Variants in AGMO observed in about 807,000 individuals in gnomAD.
AGMO encodes the protein alkylglycerol monooxygenase.
AGMO carries 75 observed loss-of-function variants against 60.2 expected under a neutral mutation model. The observed-to-expected ratio is 1.25, with a 90% confidence interval of 1.03 to 1.51. AGMO has a LOEUF of 1.51. Ranked by LOEUF, AGMO falls within the 40% of genes most tolerant of loss-of-function variation. The pLI, the probability that AGMO is intolerant of heterozygous loss-of-function variation, is 0.00. For synonymous variants in AGMO, 261 were observed against 177.1 expected (o/e 1.47, Z -3.76); for missense variants, 763 against 525.5 (o/e 1.45, Z -4.42).
the AGMO span, among the ~76,000 whole-genome samples, chr7:15,167,961 T>C: frequency 1.1e-4 from 17 of 152,328 alleles, no homozygotes; most frequent in East Asian, 1.7e-3. Flanking sequence ...AGAATAGAAA[T>C]GCTAGACCTT....
chr7:15,218,731 T>C (rs114559668), intron 12 of AGMO, among the ~76,000 whole-genome samples: 3,195 of 152,240 alleles, frequency 0.021, 114 homozygotes, highest in African/African-American at 0.073. Context: ...ATATTCCTGC[T>C]GGCCTGAGAG....
intron 12 of AGMO, among the ~76,000 whole-genome samples, chr7:15,315,698 A>T (rs1292530650): frequency 6.6e-6 from 1 of 152,136 alleles, no homozygotes; most frequent in Non-Finnish European, 1.5e-5. Flanking sequence ...ATTAATAGAC[A>T]TCTACATACA....
intron 12 of AGMO, among the ~76,000 whole-genome samples, chr7:15,233,872 C>A (rs978305527): frequency 3.3e-5 from 5 of 152,014 alleles, no homozygotes; most frequent in Admixed American, 1.3e-4. Flanking sequence ...CGTGGTGAAA[C>A]CCTGTCTCTA....
At chr7:15,501,142 G>T (rs545588149) in intron 3 of AGMO, among the ~76,000 whole-genome samples, 1 of 152,040 alleles carries the variant, frequency 6.6e-6, no homozygotes, top group African/African-American at 2.4e-5. Flanking sequence ...GTGGTGATGA[G>T]AAGAATGTCT....
intron 12 of AGMO, among the ~76,000 whole-genome samples, chr7:15,235,119 C>T (rs1782377184): frequency 6.6e-6 from 1 of 152,056 alleles, no homozygotes; most frequent in Admixed American, 6.6e-5. Context: ...TCCTCCTCTG[C>T]TCAAAAAGAT....
At chr7:15,149,548 G>A in the AGMO span, among the ~76,000 whole-genome samples, 12 of 152,130 alleles carry the variant, frequency 7.9e-5, no homozygotes, top group South Asian at 2.1e-4. Flanking sequence ...TAGTTATCAC[G>A]TACCGTTTAT....
chr7:15,216,071 C>A (rs1781728037), intron 12 of AGMO, among the ~76,000 whole-genome samples: 1 of 152,000 alleles, frequency 6.6e-6, no homozygotes, highest in African/African-American at 2.4e-5. Context: ...TGGGACCAGA[C>A]CTCAAAGGCT....
At chr7:15,250,629 C>G (rs1293227255) in intron 12 of AGMO, among the ~76,000 whole-genome samples, 1 of 151,842 alleles carries the variant, frequency 6.6e-6, no homozygotes, top group Non-Finnish European at 1.5e-5. Flanking sequence ...AAATATGAAA[C>G]TGAAGAAATC....
At chr7:15,320,447 T>C (rs1781073570) in intron 12 of AGMO, among the ~76,000 whole-genome samples, 1 of 152,198 alleles carries the variant, frequency 6.6e-6, no homozygotes, top group Non-Finnish European at 1.5e-5. Context: ...GAAATGTTTC[T>C]ACTAAAGACT....
intron 3 of AGMO, among the ~76,000 whole-genome samples, chr7:15,531,330 T>C (rs1412795139): frequency 7.0e-5 from 7 of 99,438 alleles, no homozygotes; most frequent in African/African-American, 2.8e-4. Context: ...ATATTCTATA[T>C]ATATTCTATA....
chr7:15,387,695 G>A (rs933043432), intron 8 of AGMO, among the ~76,000 whole-genome samples, 155 bp from the exon 9 acceptor site: 2 of 152,140 alleles, frequency 1.3e-5, no homozygotes, highest in Non-Finnish European at 2.9e-5. Context: ...TGCATTCCAT[G>A]CTGTAATCTA....
intron 3 of AGMO, among the ~76,000 whole-genome samples, chr7:15,498,566 G>A (rs530389159): frequency 2.6e-5 from 4 of 151,826 alleles, no homozygotes; most frequent in South Asian, 2.1e-4. Flanking sequence ...AAGGTATTAC[G>A]GCATCTCTCC....
At chr7:15,425,404 T>C (rs915908976) in intron 4 of AGMO, among the ~76,000 whole-genome samples, 9 of 151,868 alleles carry the variant, frequency 5.9e-5, no homozygotes, top group Non-Finnish European at 1.0e-4. Flanking sequence ...AATTTGATGT[T>C]ATAATTGTAT....
chr7:15,262,769 A>T (rs1245469936), intron 12 of AGMO, among the ~76,000 whole-genome samples: 1 of 152,126 alleles, frequency 6.6e-6, no homozygotes. Flanking sequence ...GAACCCAGAA[A>T]TAAAGCCAAA....
chr7:15,387,412 A>C lies in AGMO; in HGVS notation c.951T>G (p.Ile317Met). ...GKPRLGLSEE[I>M]PEVTGKEVPF... ...TTCTGTGAACTCTATTTACCTCTGG[A>C]ATTTCTTCACTGAGACCAAGTCTTG... The change falls in exon 9 of 13, where the codon ATT (isoleucine) becomes ATG (methionine). Residue 317 changes from isoleucine to methionine, a missense_variant. Coordinates refer to ENST00000342526, the MANE Select transcript of AGMO (RefSeq NM_001004320.2). 1 of 1,612,770 alleles carries C rather than the reference A, an allele frequency of 6.2e-7. No homozygotes were observed. Among genetic ancestry groups the C allele is most frequent in the Non-Finnish European group, 8.5e-7 (1 of 1,179,684 alleles).
intron 10 of AGMO, among the ~76,000 whole-genome samples, chr7:15,377,218 A>G (rs771327973): frequency 9.9e-5 from 15 of 152,124 alleles, no homozygotes; most frequent in Non-Finnish European, 1.5e-4. Flanking sequence ...CTAGTCACAC[A>G]GCATGTTCTC....
At chr7:15,181,589 G>GA in the AGMO span, among the ~76,000 whole-genome samples, 1 of 152,052 alleles carries the variant, frequency 6.6e-6, no homozygotes, top group African/African-American at 2.4e-5. Context: ...TAGGTTTTCA[G>GA]AAAGGAGATA....
intron 12 of AGMO, among the ~76,000 whole-genome samples, chr7:15,295,772 T>C (rs1253406100): frequency 6.6e-6 from 1 of 152,104 alleles, no homozygotes; most frequent in Non-Finnish European, 1.5e-5. Flanking sequence ...TCTAGAAACT[T>C]AACTGAAGTA....
chr7:15,519,674 A>G (rs1225182101), intron 3 of AGMO, among the ~76,000 whole-genome samples: 1 of 152,194 alleles, frequency 6.6e-6, no homozygotes, highest in South Asian at 2.1e-4. Flanking sequence ...TATGAAAAGG[A>G]AAAACCAGTA....
Sources: gnomAD v4.1 joint callset for allele counts (sites outside exome capture counted in the v4.1 genomes callset) on GRCh38, gnomAD v4.1.1 for gene constraint, MANE v1.5 for transcripts, NCBI Gene and HGNC (gene_info 2026-07-23, HGNC 2026-07-21) for gene names.